MLYCD: variants seen among roughly 807,000 people sequenced by gnomAD.
MLYCD encodes the protein malonyl-CoA decarboxylase, mitochondrial.
A neutral mutation model predicts 35.8 loss-of-function variants in MLYCD; 27 were observed. The observed-to-expected ratio is 0.75, with a 90% CI of 0.56 to 1.04. The LOEUF (loss-of-function observed/expected upper bound fraction) is 1.04. Among genes scored for constraint, MLYCD ranks in the 50% least tolerant of loss-of-function variants. The pLI is 0.00. For synonymous variants in MLYCD, 403 were observed against 302.4 expected (o/e 1.33, Z -3.45); for missense variants, 917 against 665.1 (o/e 1.38, Z -4.17).
intron 4 of MLYCD, 64 bp downstream of exon 4, chr16:83,912,431 G>A (rs551515921): frequency 1.4e-5 from 23 of 1,602,784 alleles, no homozygotes; most frequent in Middle Eastern, 3.6e-4. Context: ...AGCGAACCTC[G>A]TGGGGTGTCA....
Position 83,908,246 on chromosome 16 carries a change from C to A in MLYCD, c.762C>A (p.His254Gln). The A allele has an allele frequency of 6.2e-7, 1 of 1,614,146 alleles. No individual in the cohort carries two copies. Among genetic ancestry groups the A allele is most frequent in the Non-Finnish European group, 8.5e-7 (1 of 1,180,026 alleles). Residue 254 changes from histidine (H) to glutamine (Q), a missense_variant, in exon 3 of 5, where the codon CAC becomes CAA. Coordinates refer to ENST00000262430, the MANE Select transcript of MLYCD (RefSeq NM_012213.3). ...STPGEPLVVL[H>Q]VALTGDISSN... ...CTGGGGAGCCCCTGGTCGTTTTGCA[C>A]GTGGCACTGACTGGTGACATCTCCA...
At chr16:83,908,832 C>A (rs113299092) in intron 3 of MLYCD, among the ~76,000 whole-genome samples, 3 of 152,092 alleles carry the variant, frequency 2.0e-5, no homozygotes, top group African/African-American at 7.2e-5. Flanking sequence ...CCTGCAGGCC[C>A]GTGGGGGCAG....
rs192471875 is a variant in MLYCD at position 83,913,938 on chromosome 16, C to A, written c.949-1018C>A. On this transcript the variant is annotated intron_variant, in intron 4 of 4. Transcript: ENST00000262430. ...TTTTATATTACTCTGTGGTTAAAATCTTCTGTTTTTGAATTTTAAATGATA... is the reference window on the plus strand; with the variant it reads ...TTTTATATTACTCTGTGGTTAAAATATTCTGTTTTTGAATTTTAAATGATA... 6 of 151,510 alleles carry A rather than the reference C, an allele frequency of 4.0e-5. No individual in the cohort carries two copies. The South Asian group carries it at 1.0e-3, about 26-fold the overall frequency. The allele number at this position is 151,510 out of a possible 1,614,324, so 9.4% of individuals were successfully genotyped here. A position where few individuals can be genotyped will look rare whatever the true frequency, so the allele number is the denominator to read the frequency against.
At chr16:83,908,048 G>C in intron 2 of MLYCD, 78 bp from the exon 3 acceptor site, 2 of 1,565,136 alleles carry the variant, frequency 1.3e-6, no homozygotes, top group Non-Finnish European at 1.8e-6. Context: ...TGACTTAGAC[G>C]AATAGTATGA....
At chr16:83,912,454 G>T in intron 4 of MLYCD, 87 bp downstream of exon 4, 4 of 1,558,618 alleles carry the variant, frequency 2.6e-6, no homozygotes. Context: ...TGCCATGAGG[G>T]ACACAGATGA....
intron 3 of MLYCD, among the ~76,000 whole-genome samples, chr16:83,909,370 C>G (rs140766060): frequency 3.9e-4 from 59 of 152,300 alleles, no homozygotes; most frequent in African/African-American, 1.3e-3. Context: ...GCGCTGTAGA[C>G]ACATGGCGCG....
At position 83,915,409 on chromosome 16, in the gene MLYCD, T is replaced by C. The variant is rs879369450; in HGVS notation, c.1402T>C (p.Tyr468His). 3.7e-6 allele frequency: 6 copies of C among 1,613,746 alleles called. No individual in the cohort carries two copies. Among genetic ancestry groups the C allele is most frequent in the African/African-American group, 1.3e-5 (1 of 74,948 alleles). Residue 468 changes from tyrosine to histidine, a missense_variant, in exon 5 of 5, where the codon TAC becomes CAC. Physicochemically the swap from Tyr to His is moderately conservative, Grantham distance 83. Transcript: ENST00000262430. ...LEETGPNSTS[Y>H]LGSKIIKASE... is the part of the protein sequence containing the mutation. ...GGAGACGGGCCCCAACAGCACCTCCTACCTCGGCTCCAAGATCATCAAAGC... is the reference window on the plus strand; with the variant it reads ...GGAGACGGGCCCCAACAGCACCTCCCACCTCGGCTCCAAGATCATCAAAGC...
chr16:83,899,740 C>A, intron 1 of MLYCD, 68 bp downstream of exon 1: 1 of 1,438,472 alleles, frequency 7.0e-7, no homozygotes, highest in Non-Finnish European at 9.1e-7. Flanking sequence ...CCTCACTTGC[C>A]CCCTCCAAGT....
rs375935118 is a variant in MLYCD at position 83,915,427 on chromosome 16, A to G, written c.1420A>G (p.Ile474Val). The change falls in exon 5 of 5, where the codon ATC becomes GTC. Residue 474 changes from isoleucine to valine, a missense_variant. Transcript: ENST00000262430. The part of the protein sequence containing the change: ...NSTSYLGSKI[I>V]KASEQVLSLV... ...CACCTCCTACCTCGGCTCCAAGATCATCAAAGCCTCTGAGCAGGTCCTCAG... is the reference window on the plus strand; with the variant it reads ...CACCTCCTACCTCGGCTCCAAGATCGTCAAAGCCTCTGAGCAGGTCCTCAG... 108 of 1,613,700 alleles carry G rather than the reference A, an allele frequency of 6.7e-5. No homozygotes were observed. The African/African-American group carries it at 1.3e-3, about 20-fold the overall frequency.
In MLYCD at chr16:83,925,385, C is replaced by A. The variant is rs1273326452; in HGVS notation, c.*9896C>A. The A allele has an allele frequency of 6.6e-6, 1 of 152,512 alleles. No individual in the cohort carries two copies. The highest frequency in any genetic ancestry group is 1.5e-5 in the Non-Finnish European group (1 of 68,266). The allele number at this position is 152,512 out of a possible 1,614,324, so 9.4% of individuals were successfully genotyped here. ...ACCCGTCCCCGGGCCCCTGGACAGA[C>A]CACTGGCCTTGTTCTCTTCATTTCC... On this transcript the variant is annotated 3_prime_UTR_variant, in exon 5 of 5. Coordinates refer to ENST00000262430, the MANE Select transcript of MLYCD (RefSeq NM_012213.3).
chr16:83,907,366 A>G (rs202214919), intron 2 of MLYCD, among the ~76,000 whole-genome samples: 1 of 152,124 alleles, frequency 6.6e-6, no homozygotes, highest in East Asian at 1.9e-4. Context: ...CTCTTATTTA[A>G]AGCAAACACA....
intron 1 of MLYCD, 130 bp from the exon 2 acceptor site, chr16:83,906,857 G>T: frequency 2.4e-6 from 2 of 833,656 alleles, no homozygotes; most frequent in Non-Finnish European, 4.2e-6. Flanking sequence ...AAAGCTGTTT[G>T]GAGAGTTGTC....
At position 83,912,162 on chromosome 16, in the gene MLYCD, C is replaced by T. The variant is rs1457401195; in HGVS notation, c.799-56C>T. On this transcript the variant is annotated intron_variant, in intron 3 of 4. Transcript: ENST00000262430. Reference sequence around the variant, plus strand: ...CTTCTCGTCCCAGCAACAGGCTTGCCTCGTGGGCTGCAGAGCGGCCAGGCC... The same window carrying T: ...CTTCTCGTCCCAGCAACAGGCTTGCTTCGTGGGCTGCAGAGCGGCCAGGCC... 3.1e-6 allele frequency: 5 copies of T among 1,612,286 alleles called. No individual in the cohort carries two copies. The East Asian group carries it at 6.7e-5, about 22-fold the overall frequency.
At chr16:83,906,668 G>A (rs988116432) in intron 1 of MLYCD, among the ~76,000 whole-genome samples, 8 of 152,178 alleles carry the variant, frequency 5.3e-5, no homozygotes, top group Non-Finnish European at 1.0e-4. Flanking sequence ...TATATGATTA[G>A]TATGCTCACT....
chr16:83,903,775 A>C (rs559104193), intron 1 of MLYCD, among the ~76,000 whole-genome samples: 3 of 152,306 alleles, frequency 2.0e-5, no homozygotes, highest in Admixed American at 2.0e-4. Context: ...TGAAAAAAAA[A>C]ATAAGAAACA....
intron 4 of MLYCD, chr16:83,913,300 C>T (rs928667937): frequency 2.0e-5 from 3 of 152,260 alleles, no homozygotes; most frequent in African/African-American, 4.8e-5. Flanking sequence ...TTTCCTCATT[C>T]CTCTGTCTTC....
chr16:83,911,325 A>G (rs1907173484), intron 3 of MLYCD, among the ~76,000 whole-genome samples: 1 of 152,248 alleles, frequency 6.6e-6, no homozygotes, highest in Non-Finnish European at 1.5e-5. Context: ...ACTGACTACG[A>G]GACCTCATCT....
chr16:83,910,078 C>T (rs914860780), intron 3 of MLYCD, among the ~76,000 whole-genome samples: 4 of 152,070 alleles, frequency 2.6e-5, no homozygotes, highest in African/African-American at 9.7e-5. Context: ...TGCGTGGGTA[C>T]GCAGTCCTGT....
In MLYCD at chr16:83,908,168, G is replaced by C. The variant is rs575743754; in HGVS notation, c.684G>C (p.Lys228Asn). The C allele has an allele frequency of 1.9e-6, 3 of 1,614,230 alleles. No homozygotes were observed. Among genetic ancestry groups the C allele is most frequent in the Non-Finnish European group, 2.5e-6 (3 of 1,180,038 alleles). ...VHPVKNWMDMKRRVGPYRRCY... is the reference protein window; with the variant it reads ...VHPVKNWMDMNRRVGPYRRCY... ...CTGTAAAAAACTGGATGGACATGAAGCGCCGCGTTGGGCCCTACAGAAGGT... is the reference window on the plus strand; with the variant it reads ...CTGTAAAAAACTGGATGGACATGAACCGCCGCGTTGGGCCCTACAGAAGGT... The change falls in exon 3 of 5, where the codon AAG becomes AAC. Residue 228 changes from lysine to asparagine, a missense_variant. Coordinates refer to ENST00000262430, the MANE Select transcript of MLYCD (RefSeq NM_012213.3).
Sources: allele counts gnomAD v4.1 joint callset (sites outside exome capture counted in the v4.1 genomes callset), GRCh38; gene constraint gnomAD v4.1.1; transcripts MANE v1.5; gene names NCBI Gene and HGNC (gene_info 2026-07-23, HGNC 2026-07-21).